Variants in ENTREP2 observed in about 807,000 individuals in gnomAD.
ENTREP2 encodes the protein protein ENTREP2.
the ENTREP2 span, among the ~76,000 whole-genome samples, chr15:29,386,431 C>G: frequency 2.0e-5 from 3 of 152,284 alleles, no homozygotes; most frequent in Admixed American, 1.3e-4. Context: ...TTGTCACACG[C>G]CCGGTGAGGC....
At chr15:29,224,207 G>A in the ENTREP2 span, among the ~76,000 whole-genome samples, 3 of 151,942 alleles carry the variant, frequency 2.0e-5, 1 homozygote, top group Admixed American at 1.3e-4. Context: ...CTCTCAAATC[G>A]GCGCGTCTGG....
At chr15:29,304,118 G>C in the ENTREP2 span, among the ~76,000 whole-genome samples, 50 of 152,124 alleles carry the variant, frequency 3.3e-4, 1 homozygote, top group Admixed American at 1.6e-3. Context: ...TCTGACCTCG[G>C]GTGATCTGCC....
At chr15:29,291,857 T>A in the ENTREP2 span, among the ~76,000 whole-genome samples, 1 of 146,172 alleles carries the variant, frequency 6.8e-6, no homozygotes, top group African/African-American at 2.7e-5. Flanking sequence ...TTGCATAGGT[T>A]TTTTTTTTCT....
At chr15:29,354,974 G>T in the ENTREP2 span, among the ~76,000 whole-genome samples, 4 of 152,102 alleles carry the variant, frequency 2.6e-5, no homozygotes, top group Non-Finnish European at 5.9e-5. Flanking sequence ...GTTTTCCACT[G>T]GGTTCAGACT....
the ENTREP2 span, among the ~76,000 whole-genome samples, chr15:29,530,651 T>G: frequency 6.6e-6 from 1 of 152,196 alleles, no homozygotes; most frequent in African/African-American, 2.4e-5. Context: ...TGGTGATGGG[T>G]GGAGGTGCAA....
the ENTREP2 span, among the ~76,000 whole-genome samples, chr15:29,493,851 C>T: frequency 6.6e-6 from 1 of 151,936 alleles, no homozygotes; most frequent in Non-Finnish European, 1.5e-5. Context: ...GTGGCTCACA[C>T]CCGTAATCCC....
the ENTREP2 span, among the ~76,000 whole-genome samples, chr15:29,128,168 G>A: frequency 6.6e-6 from 1 of 152,276 alleles, no homozygotes; most frequent in African/African-American, 2.4e-5. Flanking sequence ...CCCTCGCAGG[G>A]GCCTCAAGAC....
the ENTREP2 span, among the ~76,000 whole-genome samples, chr15:29,475,105 C>A: frequency 1.3e-3 from 200 of 152,102 alleles, 3 homozygotes; most frequent in East Asian, 0.026. Flanking sequence ...CAAAGACATG[C>A]GGCACTGAGC....
the ENTREP2 span, among the ~76,000 whole-genome samples, chr15:29,392,098 A>G: frequency 1.0e-4 from 15 of 150,742 alleles, no homozygotes; most frequent in African/African-American, 2.9e-4. Context: ...AAAGTGTTGG[A>G]ATTACAGGCG....
At chr15:29,318,523 T>C in the ENTREP2 span, among the ~76,000 whole-genome samples, 3 of 152,092 alleles carry the variant, frequency 2.0e-5, no homozygotes, top group Non-Finnish European at 4.4e-5. Flanking sequence ...GGTTTCACCG[T>C]GTTAGCCAGG....
chr15:29,568,447 T>C, the ENTREP2 span, among the ~76,000 whole-genome samples: 3 of 152,150 alleles, frequency 2.0e-5, no homozygotes, highest in Non-Finnish European at 4.4e-5. Context: ...ATCTCAGTGC[T>C]TTGGGAGGCT....
the ENTREP2 span, among the ~76,000 whole-genome samples, chr15:29,552,019 A>G: frequency 2.6e-4 from 40 of 152,364 alleles, no homozygotes; most frequent in Non-Finnish European, 4.0e-4. Flanking sequence ...CTGTGGTTAC[A>G]GATGGTAAAT....
the ENTREP2 span, among the ~76,000 whole-genome samples, chr15:29,673,297 C>T: frequency 3.3e-5 from 5 of 152,144 alleles, no homozygotes; most frequent in Admixed American, 1.3e-4. Context: ...GTATCTTGTA[C>T]TGACCTCTTA....
the ENTREP2 span, among the ~76,000 whole-genome samples, chr15:29,126,104 C>A: frequency 1.3e-5 from 2 of 152,102 alleles, no homozygotes; most frequent in African/African-American, 4.8e-5. Flanking sequence ...ACAGGCTGCT[C>A]CCCACCCACC....
chr15:29,124,737 G>C, the ENTREP2 span: 41 of 1,550,652 alleles, frequency 2.6e-5, no homozygotes, highest in South Asian at 2.6e-4. Context: ...CTGGCTACAC[G>C]ACGGCCTGTG....
At chr15:29,500,116 G>A in the ENTREP2 span, among the ~76,000 whole-genome samples, 1 of 152,068 alleles carries the variant, frequency 6.6e-6, no homozygotes, top group Non-Finnish European at 1.5e-5. Context: ...AAAATTGACA[G>A]AATTGAAATA....
the ENTREP2 span, among the ~76,000 whole-genome samples, chr15:29,181,484 T>G: frequency 6.6e-6 from 1 of 152,152 alleles, no homozygotes; most frequent in Non-Finnish European, 1.5e-5. Context: ...TTGATTCATA[T>G]AATTTATGAA....
At chr15:29,211,361 C>G in the ENTREP2 span, among the ~76,000 whole-genome samples, 28 of 152,332 alleles carry the variant, frequency 1.8e-4, no homozygotes, top group African/African-American at 6.5e-4. Flanking sequence ...TGAGGCTGCT[C>G]CACAAGCCCC....
the ENTREP2 span, among the ~76,000 whole-genome samples, chr15:29,640,094 A>G: frequency 6.6e-6 from 1 of 152,172 alleles, no homozygotes; most frequent in Non-Finnish European, 1.5e-5. Context: ...TAAAAGATCA[A>G]CAAAGTTGGC....
Sources: gnomAD v4.1 joint callset for allele counts (sites outside exome capture counted in the v4.1 genomes callset) on GRCh38, gnomAD v4.1.1 for gene constraint, MANE v1.5 for transcripts, NCBI Gene and HGNC (gene_info 2026-07-23, HGNC 2026-07-21) for gene names.